The following RXFP1 variants were observed in gnomAD, a reference collection of about 807,000 sequenced individuals.
The protein encoded by RXFP1 is relaxin family peptide receptor 1, also known as relaxin receptor 1.
In RXFP1, 73 loss-of-function variants were observed where a neutral mutation model predicts 89.8. The observed-to-expected ratio is 0.81, with a 90% CI of 0.67 to 0.99. RXFP1 has a LOEUF of 0.99. Among genes scored for constraint, RXFP1 ranks in the 50% least tolerant of loss-of-function variants. The probability of loss-of-function intolerance (pLI) is 0.00; values close to 1 mark genes in which losing one functional copy is unlikely to be tolerated. For synonymous variants in RXFP1, 277 were observed against 305.5 expected (o/e 0.91, Z 0.97); for missense variants, 793 against 895.5 (o/e 0.89, Z 1.46).
chr4:158,637,510 T>C (rs1769430878), intron 12 of RXFP1, among the ~76,000 whole-genome samples: 1 of 152,232 alleles, frequency 6.6e-6, no homozygotes, highest in Non-Finnish European at 1.5e-5. Context: ...CTTTTTCATA[T>C]ACCTGTTAGT....
intron 5 of RXFP1, among the ~76,000 whole-genome samples, chr4:158,606,602 G>T (rs1038098727): frequency 1.3e-5 from 2 of 151,938 alleles, no homozygotes; most frequent in African/African-American, 4.8e-5. Flanking sequence ...TTTTTTTTAA[G>T]AGACAGGGTC....
intron 9 of RXFP1, among the ~76,000 whole-genome samples, chr4:158,624,649 T>C (rs1212542707): frequency 6.6e-6 from 1 of 152,164 alleles, no homozygotes; most frequent in Admixed American, 6.5e-5. Context: ...AAGAAACAGA[T>C]TTTTTGTTGT....
At chr4:158,550,475 G>A (rs1342450549) in intron 1 of RXFP1, among the ~76,000 whole-genome samples, 1 of 152,186 alleles carries the variant, frequency 6.6e-6, no homozygotes, top group East Asian at 1.9e-4. Flanking sequence ...CCACTGTCTG[G>A]CACTCCCTAG....
chr4:158,531,963 G>A (rs1262463369), intron 1 of RXFP1, among the ~76,000 whole-genome samples: 1 of 151,952 alleles, frequency 6.6e-6, no homozygotes, highest in African/African-American at 2.4e-5. Flanking sequence ...CATTTAGGGG[G>A]TATATGTGCA....
chr4:158,617,927 G>C (rs901961438), intron 9 of RXFP1, among the ~76,000 whole-genome samples: 1 of 152,110 alleles, frequency 6.6e-6, no homozygotes, highest in Non-Finnish European at 1.5e-5. Context: ...AAGAGGAAAA[G>C]TTAGAGTCAG....
In RXFP1 at chr4:158,551,889, C is replaced by T. The variant is rs531334291; in HGVS notation, c.50-20809C>T. On this transcript the variant is annotated intron_variant, in intron 1 of 17. Transcript: ENST00000307765. ...CCAGGAGGTCAAGGCTGCAGTGAGC[C>T]GAGATCACACACTGGTTACTCCAGC... Among the ~76,000 whole-genome samples the T allele has an allele frequency of 1.2e-4, 18 of 151,908 alleles. 1 individual carries two copies. Among genetic ancestry groups the T allele is most frequent in the Admixed American group, 1.2e-3 (18 of 15,266 alleles).
At position 158,626,800 on chromosome 4, in the gene RXFP1, G is replaced by A. The variant is rs368960164; in HGVS notation, c.756-20G>A. ...TCCATGATTAAGATTTAGCTGTATC[G>A]TTTTATTTTTATGTTCCAGGGACCT... is the stretch of plus-strand genomic sequence containing the variant. On this transcript the variant is annotated intron_variant, in intron 9 of 17. Transcript: ENST00000307765. 1.3e-4 allele frequency: 193 copies of A among 1,447,676 alleles called. No homozygotes were observed. Among genetic ancestry groups the A allele is most frequent in the Admixed American group, 5.4e-4 (27 of 49,648 alleles). The allele number at this position is 1,447,676 out of a possible 1,614,324, so 89.7% of individuals were successfully genotyped here.
At chr4:158,584,986 T>A (rs983100713) in intron 2 of RXFP1, among the ~76,000 whole-genome samples, 1 of 152,186 alleles carries the variant, frequency 6.6e-6, no homozygotes, top group Admixed American at 6.5e-5. Flanking sequence ...ATTGCTGGGC[T>A]CTCAGGTTGC....
At chr4:158,564,376 A>T (rs1753124058) in intron 1 of RXFP1, among the ~76,000 whole-genome samples, 1 of 152,218 alleles carries the variant, frequency 6.6e-6, no homozygotes, top group Non-Finnish European at 1.5e-5. Context: ...AATATTTGGA[A>T]GAAGACTAAA....
rs79495918 is a variant in RXFP1, at chr4:158,563,447, A to C, written c.50-9251A>C. Among the ~76,000 whole-genome samples the C allele has an allele frequency of 9.8e-3, 1,492 of 151,610 alleles. 24 individuals carry two copies. The highest frequency in any genetic ancestry group is 0.033 in the African/African-American group (1,380 of 41,368). ...CCTCAAAGACTTTAATTCATTTACT[A>C]ATGAGGGAACCAGTAAGATGTTACA... On this transcript the variant is annotated intron_variant, in intron 1 of 17. Coordinates refer to ENST00000307765, the MANE Select transcript of RXFP1 (RefSeq NM_021634.4).
At chr4:158,613,949 G>T (rs1028835071) in intron 8 of RXFP1, among the ~76,000 whole-genome samples, 4 of 152,220 alleles carry the variant, frequency 2.6e-5, no homozygotes, top group Admixed American at 2.6e-4. Flanking sequence ...ATGGGCTGTA[G>T]AATGGATGTC....
chr4:158,602,830 T>A (rs1343516744), intron 4 of RXFP1, among the ~76,000 whole-genome samples: 1 of 152,232 alleles, frequency 6.6e-6, no homozygotes, highest in African/African-American at 2.4e-5. Flanking sequence ...CTTGGCTCAC[T>A]GCAACCTCTG....
chr4:158,563,054 G>A (rs1208799160), intron 1 of RXFP1, among the ~76,000 whole-genome samples: 6 of 152,174 alleles, frequency 3.9e-5, no homozygotes, highest in African/African-American at 1.2e-4. Context: ...TTATGCAGGC[G>A]CATGTAGCCT....
chr4:158,632,067 C>T (rs909223955), intron 11 of RXFP1, among the ~76,000 whole-genome samples: 3 of 152,028 alleles, frequency 2.0e-5, no homozygotes, highest in African/African-American at 7.2e-5. Context: ...TCACACAATG[C>T]GGTTTTGATT....
intron 8 of RXFP1, among the ~76,000 whole-genome samples, chr4:158,615,719 G>A (rs1475136479): frequency 6.6e-6 from 1 of 151,906 alleles, no homozygotes; most frequent in Non-Finnish European, 1.5e-5. Flanking sequence ...TGAGGAGAGA[G>A]GATAGCTTGC....
chr4:158,622,840 G>C (rs190725018), intron 9 of RXFP1, among the ~76,000 whole-genome samples: 84 of 152,274 alleles, frequency 5.5e-4, no homozygotes, highest in African/African-American at 1.9e-3. Context: ...TTTGCTAAAA[G>C]GGTAGAGTTC....
At chr4:158,553,033 T>A (rs1750506998) in intron 1 of RXFP1, among the ~76,000 whole-genome samples, 1 of 151,862 alleles carries the variant, frequency 6.6e-6, no homozygotes, top group Non-Finnish European at 1.5e-5. Flanking sequence ...AAAATAAAAA[T>A]TAAAAAATAG....
intron 1 of RXFP1, among the ~76,000 whole-genome samples, chr4:158,542,079 C>CTATATATATATATATATA (rs1553993932): frequency 3.7e-4 from 11 of 29,808 alleles, no homozygotes; most frequent in Admixed American, 1.3e-3. Context: ...GCCACCATGG[C>CTATATATATATATATATA]TATATATATA....
intron 1 of RXFP1, among the ~76,000 whole-genome samples, chr4:158,550,427 C>A (rs1050526126): frequency 2.4e-4 from 37 of 152,240 alleles, no homozygotes; most frequent in Non-Finnish European, 2.9e-5. Context: ...CGCCCTGCTT[C>A]GGCTCACACC....
Sources: gnomAD v4.1 joint callset for allele counts (sites outside exome capture counted in the v4.1 genomes callset) on GRCh38, gnomAD v4.1.1 for gene constraint, MANE v1.5 for transcripts, NCBI Gene and HGNC (gene_info 2026-07-23, HGNC 2026-07-21) for gene names.